The following SNTG2 variants were observed in gnomAD, a reference collection of about 807,000 sequenced individuals.
SNTG2 encodes syntrophin gamma 2, also known as gamma-2-syntrophin.
Under a neutral mutation model 70.9 loss-of-function variants are expected in SNTG2, and 74 were observed. That is an observed-to-expected ratio of 1.04 (90% CI 0.86 to 1.27). The LOEUF is 1.27. Among genes scored for constraint, SNTG2 ranks in the 50% most tolerant of loss-of-function variants. SNTG2 has a pLI of 0.00. For synonymous variants in SNTG2, 278 were observed against 273.8 expected, an observed-to-expected ratio of 1.02 and a Z score of -0.15; for missense variants, 717 against 690.7, an observed-to-expected ratio of 1.04 and a Z score of -0.43.
At chr2:1,267,914 A>G (rs1379181240) in intron 14 of SNTG2, among the ~76,000 whole-genome samples, 1 of 152,234 alleles carries the variant, frequency 6.6e-6, no homozygotes, top group Non-Finnish European at 1.5e-5. Context: ...GGGAGACAGA[A>G]CACCTAGCTT....
At position 1,105,987 on chromosome 2, in the gene SNTG2, G is replaced by T. The variant is rs1340988674; in HGVS notation, c.325+7577G>T. Among the ~76,000 whole-genome samples, 5 of 152,122 alleles carry T rather than the reference G, an allele frequency of 3.3e-5. 1 individual carries two copies. Among genetic ancestry groups the T allele is most frequent in the Admixed American group, 6.5e-5 (1 of 15,276 alleles). Reference sequence around the variant, plus strand: ...ATAGTGGGCGCACACTGTCATTGGGGTGCAGGGTATGGAGAGCTCCTTGGT... The same window carrying T: ...ATAGTGGGCGCACACTGTCATTGGGTTGCAGGGTATGGAGAGCTCCTTGGT... On this transcript the variant is annotated intron_variant, in intron 4 of 16. Coordinates refer to ENST00000308624, the MANE Select transcript of SNTG2 (RefSeq NM_018968.4).
chr2:1,286,887 A>G (rs1221220424), intron 14 of SNTG2, among the ~76,000 whole-genome samples: 1 of 152,214 alleles, frequency 6.6e-6, no homozygotes, highest in Non-Finnish European at 1.5e-5. Flanking sequence ...ACATTCGTCA[A>G]CAGGTTACCT....
intron 1 of SNTG2, among the ~76,000 whole-genome samples, chr2:1,054,021 C>T (rs938885179): frequency 2.7e-5 from 4 of 149,660 alleles, no homozygotes; most frequent in African/African-American, 9.8e-5. Context: ...AGGGATTTAA[C>T]CTGCATGTCT....
chr2:1,363,882 A>C (rs1305174324), intron 16 of SNTG2, among the ~76,000 whole-genome samples: 1 of 152,152 alleles, frequency 6.6e-6, no homozygotes, highest in Non-Finnish European at 1.5e-5. Context: ...ATAAGCTTTA[A>C]TTTCATTCCT....
chr2:1,093,700 C>T (rs1354857427), intron 2 of SNTG2, among the ~76,000 whole-genome samples: 1 of 152,242 alleles, frequency 6.6e-6, no homozygotes, highest in Non-Finnish European at 1.5e-5. Flanking sequence ...AAACTAACCA[C>T]CTTGGTATTT....
At chr2:1,232,551 G>A (rs1676328545) in intron 9 of SNTG2, among the ~76,000 whole-genome samples, 1 of 152,094 alleles carries the variant, frequency 6.6e-6, no homozygotes, top group Non-Finnish European at 1.5e-5. Flanking sequence ...GCTGGCCTCA[G>A]CCTCTCAAAG....
chr2:1,341,464 G>A (rs1215199278), intron 16 of SNTG2: 1 of 152,236 alleles, frequency 6.6e-6, no homozygotes, highest in Non-Finnish European at 1.5e-5. Context: ...GGGAGGGTAT[G>A]TGGGAGTGAA....
intron 1 of SNTG2, among the ~76,000 whole-genome samples, chr2:994,157 A>G (rs1416318263): frequency 1.3e-5 from 2 of 151,978 alleles, no homozygotes; most frequent in African/African-American, 2.4e-5. Flanking sequence ...TATTCTGAGT[A>G]TATTTTTGTA....
chr2:1,330,139 A>G (rs1410762665), intron 16 of SNTG2, among the ~76,000 whole-genome samples: 1 of 152,190 alleles, frequency 6.6e-6, no homozygotes, highest in Non-Finnish European at 1.5e-5. Flanking sequence ...GGTCCCTGGC[A>G]TTTTCACCTT....
chr2:1,083,705 A>G (rs748138713), intron 2 of SNTG2, 50 bp downstream of exon 2: 72 of 1,603,392 alleles, frequency 4.5e-5, no homozygotes, highest in Non-Finnish European at 5.6e-5. Context: ...GACGAGCCCC[A>G]TGAACGGTCT....
intron 6 of SNTG2, among the ~76,000 whole-genome samples, chr2:1,141,398 A>C (rs937871841): frequency 6.6e-6 from 1 of 152,198 alleles, no homozygotes; most frequent in Non-Finnish European, 1.5e-5. Context: ...AACAGCTAGA[A>C]ACTGCAGGAG....
chr2:1,041,590 G>A (rs1390386267), intron 1 of SNTG2, among the ~76,000 whole-genome samples: 2 of 152,152 alleles, frequency 1.3e-5, no homozygotes, highest in African/African-American at 4.8e-5. Context: ...GGTAGTGAGT[G>A]AGTTCTCACG....
chr2:1,135,887 C>A (rs1044390807), intron 4 of SNTG2, among the ~76,000 whole-genome samples: 1 of 152,140 alleles, frequency 6.6e-6, no homozygotes, highest in Non-Finnish European at 1.5e-5. Flanking sequence ...GGGTAAAATA[C>A]TTTGATAAGA....
intron 14 of SNTG2, among the ~76,000 whole-genome samples, chr2:1,273,522 G>C (rs1394066510): frequency 2.0e-5 from 3 of 152,050 alleles, no homozygotes; most frequent in African/African-American, 7.2e-5. Flanking sequence ...GTGTATGGCA[G>C]ATGTGCAAAG....
chr2:1,121,140 G>A (rs113796381), intron 4 of SNTG2, among the ~76,000 whole-genome samples: 2,907 of 151,910 alleles, frequency 0.019, 87 homozygotes, highest in African/African-American at 0.063. Context: ...AAACAGTATT[G>A]CCCTGAACAA....
At chr2:1,329,857 C>T (rs1456274929) in intron 16 of SNTG2, among the ~76,000 whole-genome samples, 1 of 152,122 alleles carries the variant, frequency 6.6e-6, no homozygotes, top group Non-Finnish European at 1.5e-5. Flanking sequence ...GGGGACTGTG[C>T]TCACATAGTA....
At chr2:1,221,803 G>A (rs1191096890) in intron 9 of SNTG2, among the ~76,000 whole-genome samples, 14 of 16,204 alleles carry the variant, frequency 8.6e-4, no homozygotes, top group Non-Finnish European at 1.3e-3. Context: ...GTCTGTCTCT[G>A]TCTCTCTCTC....
chr2:1,120,456 G>A (rs1457557516), intron 4 of SNTG2, among the ~76,000 whole-genome samples: 1 of 152,102 alleles, frequency 6.6e-6, no homozygotes. Flanking sequence ...AAGACATATA[G>A]TGGTGAAGTA....
At chr2:1,327,986 T>G (rs564203103) in intron 16 of SNTG2, among the ~76,000 whole-genome samples, 1 of 152,298 alleles carries the variant, frequency 6.6e-6, no homozygotes, top group African/African-American at 2.4e-5. Flanking sequence ...ATCTAGTCGC[T>G]TCTGGGGAGG....
Sources: allele counts gnomAD v4.1 joint callset (sites outside exome capture counted in the v4.1 genomes callset), GRCh38; gene constraint gnomAD v4.1.1; transcripts MANE v1.5; gene names NCBI Gene and HGNC (gene_info 2026-07-23, HGNC 2026-07-21).